NLGN1: variants seen among roughly 807,000 people sequenced by gnomAD.
NLGN1 encodes neuroligin-1.
A neutral mutation model predicts 65.5 loss-of-function variants in NLGN1; 12 were observed. The ratio of observed to expected loss-of-function variants is 0.18; its 90% confidence interval spans 0.12 to 0.30. The LOEUF is 0.30. Ranked by LOEUF, NLGN1 falls within the 10% of genes least tolerant of loss-of-function variation. NLGN1 has a pLI of 1.00. For missense variants in NLGN1, 750 were observed against 1,007.1 expected (o/e 0.74, Z 3.46); for synonymous variants, 350 against 359.5 (o/e 0.97, Z 0.30).
intron 4 of NLGN1, among the ~76,000 whole-genome samples, chr3:174,155,721 A>G (rs966792280): frequency 6.6e-6 from 1 of 151,948 alleles, no homozygotes; most frequent in African/African-American, 2.4e-5. Flanking sequence ...AAGAACATGC[A>G]AAGTGAATAA....
At chr3:173,813,254 T>C (rs1256467621) in intron 4 of NLGN1, among the ~76,000 whole-genome samples, 1 of 152,190 alleles carries the variant, frequency 6.6e-6, no homozygotes, top group African/African-American at 2.4e-5. Flanking sequence ...TGAATTGTTT[T>C]TGTTTCTGTC....
At chr3:173,539,502 T>C (rs1249345614) in intron 2 of NLGN1, among the ~76,000 whole-genome samples, 1 of 143,798 alleles carries the variant, frequency 7.0e-6, no homozygotes, top group South Asian at 2.1e-4. Flanking sequence ...TATGTATATG[T>C]ATATGTATGT....
chr3:174,168,850 A>G (rs1332160600), intron 4 of NLGN1, among the ~76,000 whole-genome samples: 1 of 152,194 alleles, frequency 6.6e-6, no homozygotes, highest in African/African-American at 2.4e-5. Flanking sequence ...CAGAGGTGTG[A>G]CAAACACTCA....
chr3:173,875,198 G>T (rs1731894342), intron 4 of NLGN1, among the ~76,000 whole-genome samples: 1 of 152,148 alleles, frequency 6.6e-6, no homozygotes, highest in Admixed American at 6.5e-5. Flanking sequence ...TGCGGACATT[G>T]AATGTGTCTT....
intron 4 of NLGN1, among the ~76,000 whole-genome samples, chr3:173,900,534 A>G (rs533279277): frequency 6.6e-6 from 1 of 152,218 alleles, no homozygotes; most frequent in East Asian, 1.9e-4. Flanking sequence ...CAGTATTACT[A>G]AATATGGTTT....
At chr3:174,287,743 G>A (rs151261231), downstream of NLGN1, among the ~76,000 whole-genome samples, 2 of 151,338 alleles carry the variant, frequency 1.3e-5, no homozygotes, top group Non-Finnish European at 3.0e-5. Context: ...TGCACTACAG[G>A]GGATCTTCTT....
intron 2 of NLGN1, among the ~76,000 whole-genome samples, chr3:173,599,999 T>TG (rs551942561): frequency 1.3e-5 from 2 of 152,014 alleles, no homozygotes; most frequent in South Asian, 2.1e-4. Context: ...TGGGATCAAT[T>TG]GGGGGGCATT....
intron 2 of NLGN1, among the ~76,000 whole-genome samples, chr3:173,515,579 G>A (rs550917246): frequency 3.5e-4 from 54 of 152,116 alleles, no homozygotes; most frequent in African/African-American, 1.2e-3. Context: ...ACGTCATGAA[G>A]TTTTACCCAG....
intron 4 of NLGN1, among the ~76,000 whole-genome samples, chr3:173,984,758 T>G (rs1446958209): frequency 6.6e-6 from 1 of 152,176 alleles, no homozygotes; most frequent in Non-Finnish European, 1.5e-5. Context: ...AATTGCCTGT[T>G]GCCAGCTGGG....
chr3:173,525,252 T>C (rs1178503032), intron 2 of NLGN1, among the ~76,000 whole-genome samples: 1 of 151,942 alleles, frequency 6.6e-6, no homozygotes, highest in African/African-American at 2.4e-5. Context: ...GTTGTTGTTG[T>C]TGTTGTTGTT....
intron 4 of NLGN1, among the ~76,000 whole-genome samples, chr3:174,046,310 A>G (rs1315590289): frequency 1.3e-5 from 2 of 152,172 alleles, no homozygotes; most frequent in Non-Finnish European, 2.9e-5. Context: ...AATTGGCACA[A>G]TAAGATATTC....
Position 173,403,936 on chromosome 3 carries a change from G to A in NLGN1, c.-390+5449G>A, listed in dbSNP as rs73046088. Among the ~76,000 whole-genome samples the A allele has an allele frequency of 7.7e-3, 1,170 of 152,032 alleles. 19 individuals carry two copies. The highest frequency in any genetic ancestry group is 0.027 in the African/African-American group (1,116 of 41,480). On this transcript the variant is annotated intron_variant, in intron 1 of 6. Transcript: ENST00000457714. ...TGGAAATTAGACGATACTGTGTTCC[G>A]TAAACTGCTGAATTTGTGGCATGAG...
chr3:174,095,972 C>T (rs1745448041), intron 4 of NLGN1, among the ~76,000 whole-genome samples: 1 of 151,720 alleles, frequency 6.6e-6, no homozygotes, highest in South Asian at 2.1e-4. Flanking sequence ...TGCACTCCAG[C>T]CTGGGTGACA....
At chr3:173,829,104 G>A (rs1721949230) in intron 4 of NLGN1, among the ~76,000 whole-genome samples, 1 of 152,082 alleles carries the variant, frequency 6.6e-6, no homozygotes, top group Non-Finnish European at 1.5e-5. Flanking sequence ...GGCACAATAT[G>A]ATGGAGGCTT....
intron 4 of NLGN1, among the ~76,000 whole-genome samples, chr3:173,817,523 A>G (rs1482869495): frequency 1.3e-5 from 2 of 152,216 alleles, no homozygotes; most frequent in Admixed American, 6.5e-5. Flanking sequence ...TCAGGTAAGT[A>G]TAAGAATCTA....
At chr3:173,612,372 G>A (rs1231983702) in intron 3 of NLGN1, among the ~76,000 whole-genome samples, 3 of 152,054 alleles carry the variant, frequency 2.0e-5, no homozygotes, top group Non-Finnish European at 4.4e-5. Context: ...AAACAATAGG[G>A]ATTTATTCTC....
At chr3:174,121,179 C>T (rs1420699336) in intron 4 of NLGN1, among the ~76,000 whole-genome samples, 2 of 152,158 alleles carry the variant, frequency 1.3e-5, no homozygotes, top group Admixed American at 6.5e-5. Flanking sequence ...CACATATGCT[C>T]ATTATTTCTG....
chr3:173,501,050 G>A (rs1731025231), intron 2 of NLGN1, among the ~76,000 whole-genome samples: 1 of 151,992 alleles, frequency 6.6e-6, no homozygotes, highest in Admixed American at 6.6e-5. Flanking sequence ...CATCCTCCAG[G>A]TTTTTAAAAA....
intron 4 of NLGN1, among the ~76,000 whole-genome samples, chr3:173,972,343 C>T (rs577670181): frequency 6.6e-6 from 1 of 152,212 alleles, no homozygotes; most frequent in South Asian, 2.1e-4. Flanking sequence ...GGTTTTTCTA[C>T]TACCTGCAAA....
Sources: allele counts gnomAD v4.1 joint callset (sites outside exome capture counted in the v4.1 genomes callset), GRCh38; gene constraint gnomAD v4.1.1; transcripts MANE v1.5; gene names NCBI Gene and HGNC (gene_info 2026-07-23, HGNC 2026-07-21).